The following USF2 variants were observed in gnomAD, a reference collection of about 807,000 sequenced individuals.
USF2 encodes the protein upstream stimulatory factor 2.
USF2 carries 16 observed loss-of-function variants against 46.9 expected under a neutral mutation model. The ratio of observed to expected loss-of-function variants is 0.34; its 90% confidence interval spans 0.23 to 0.52. USF2 has a LOEUF of 0.52. Ranked by LOEUF, USF2 falls within the 20% of genes least tolerant of loss-of-function variation. The pLI is 0.96. For synonymous variants in USF2, 239 were observed against 194.1 expected, an observed-to-expected ratio of 1.23 and a Z score of -1.92; for missense variants, 411 against 474.0, an observed-to-expected ratio of 0.87 and a Z score of 1.23.
chr19:35,276,114 C>G (rs1030304699), intron 7 of USF2, among the ~76,000 whole-genome samples: 14 of 148,742 alleles, frequency 9.4e-5, no homozygotes, highest in African/African-American at 3.5e-4. Flanking sequence ...CTCTGTCACC[C>G]AAGCTGGTGT....
At chr19:35,272,713 C>A (rs2066174460) in intron 7 of USF2, among the ~76,000 whole-genome samples, 1 of 151,692 alleles carries the variant, frequency 6.6e-6, no homozygotes. Flanking sequence ...GGTAGGAGAC[C>A]ATACGACTGT....
In USF2 at chr19:35,270,713, T is replaced by C; in HGVS notation, c.581-5T>C. ...CTTGCCACTAACCCCCCACTCTCCC[T>C]GCAGGCCAGTTCTACGTCATGATGA... On this transcript the variant is annotated splice_polypyrimidine_tract_variant and splice_region_variant and intron_variant, in intron 5 of 9. Transcript: ENST00000222305. 1 of 1,614,060 alleles carries C rather than the reference T, an allele frequency of 6.2e-7. No individual in the cohort carries two copies. Among genetic ancestry groups the C allele is most frequent in the Non-Finnish European group, 8.5e-7 (1 of 1,180,008 alleles).
At chr19:35,271,382 G>A (rs999765988) in intron 7 of USF2, among the ~76,000 whole-genome samples, 1 of 152,218 alleles carries the variant, frequency 6.6e-6, no homozygotes, top group Admixed American at 6.5e-5. Flanking sequence ...TGGTGATCTT[G>A]AATTCATGGC....
At chr19:35,273,918 C>T (rs1239789990) in intron 7 of USF2, among the ~76,000 whole-genome samples, 1 of 152,234 alleles carries the variant, frequency 6.6e-6, no homozygotes, top group African/African-American at 2.4e-5. Context: ...GGCTCGGAAG[C>T]TCTTGGTCAG....
intron 7 of USF2, chr19:35,277,136 TG>T (rs2066245224): frequency 6.6e-6 from 1 of 152,372 alleles, no homozygotes; most frequent in Non-Finnish European, 1.5e-5. Context: ...GCTCCGCTGC[TG>T]CTTTTGGCCA....
intron 7 of USF2, chr19:35,275,378 G>T (rs532897213): frequency 4.6e-5 from 7 of 150,694 alleles, no homozygotes; most frequent in Non-Finnish European, 1.0e-4. Flanking sequence ...AATTTGCTAG[G>T]TTTCATGCTT....
chr19:35,272,231 C>T lies in USF2; in HGVS notation c.727+1090C>T, dbSNP rs537315074. Among the ~76,000 whole-genome samples the T allele has an allele frequency of 6.6e-5, 10 of 152,272 alleles. No homozygotes were observed. The East Asian group carries it at 1.4e-3, about 21-fold the overall frequency. ...ATAGGACAGACAAGGTCTCAGCTCT[C>T]TGTGCGCGTTCTGGTGGGAGAGATG... On this transcript the variant is annotated intron_variant, in intron 7 of 9. Transcript: ENST00000222305.
At chr19:35,276,202 G>T (rs924205562) in intron 7 of USF2, among the ~76,000 whole-genome samples, 1 of 150,254 alleles carries the variant, frequency 6.7e-6, no homozygotes, top group Non-Finnish European at 1.5e-5. Context: ...CTCCCAAGTC[G>T]CTGGGATTAT....
At chr19:35,279,119 T>C in intron 9 of USF2, 45 bp downstream of exon 9, 1 of 1,612,756 alleles carries the variant, frequency 6.2e-7, no homozygotes, top group Middle Eastern at 1.7e-4. Context: ...GAGCCCCAGA[T>C]GCAAGGCGCT....
chr19:35,279,268 A>G lies in USF2; in HGVS notation c.*12A>G. 6.6e-6 allele frequency: 10 copies of G among 1,506,346 alleles called. No individual in the cohort carries two copies. Among genetic ancestry groups the G allele is most frequent in the Non-Finnish European group, 8.9e-6 (10 of 1,126,280 alleles). 93.3% of individuals were successfully genotyped at this position (1,506,346 alleles called of 1,614,324 possible). A position where few individuals can be genotyped will look rare whatever the true frequency, so the allele number is the denominator to read the frequency against. On this transcript the variant is annotated 3_prime_UTR_variant, in exon 10 of 10. Transcript: ENST00000222305. ...GCACCCGGCAGTGACGCCCGCCACC[A>G]CCACGCAGCCGCCGCCGCCCACGCC...
chr19:35,269,882 C>G lies in USF2; in HGVS notation c.308C>G (p.Ser103Cys). 7.1e-7 allele frequency: 1 copy of G among 1,411,750 alleles called. No homozygotes were observed. Among genetic ancestry groups the G allele is most frequent in the Non-Finnish European group, 9.2e-7 (1 of 1,091,420 alleles). The allele number at this position is 1,411,750 out of a possible 1,614,324, so 87.5% of individuals were successfully genotyped here. The change falls in exon 4 of 10, where the codon TCC (serine) becomes TGC (cysteine). Residue 103 changes from serine to cysteine, a missense_variant. Physicochemically the swap from Ser to Cys is moderately radical, Grantham distance 112 (BLOSUM62 -1). This residue lies in a region of USF2 where 318 missense variants were observed against 322.4 expected (regional missense o/e 0.99). Coordinates refer to ENST00000222305, the MANE Select transcript of USF2 (RefSeq NM_003367.4). ...GDTAGAVSVV[S>C]TAAFAGGQQA... is the part of the protein sequence containing the mutation. ...ACAGCTGGCGCCGTCAGCGTCGTGTCCACCGCTGCCTTCGCGGGGGGGCAG... is the reference window on the plus strand; with the variant it reads ...ACAGCTGGCGCCGTCAGCGTCGTGTGCACCGCTGCCTTCGCGGGGGGGCAG...
chr19:35,279,425 C>A lies in USF2; in HGVS notation c.*169C>A. ...AATGCATTTCTGTGGATACAGTGCC[C>A]ACCGCCCTCCTCCACTTGGAAACGG... On this transcript the variant is annotated 3_prime_UTR_variant, in exon 10 of 10. Coordinates refer to ENST00000222305, the MANE Select transcript of USF2 (RefSeq NM_003367.4). The A allele has an allele frequency of 1.4e-6, 1 of 704,034 alleles. No homozygotes were observed. Among genetic ancestry groups the A allele is most frequent in the South Asian group, 2.4e-5 (1 of 42,246 alleles). 43.6% of individuals were successfully genotyped at this position (704,034 alleles called of 1,614,324 possible). A position where few individuals can be genotyped will look rare whatever the true frequency, so the allele number is the denominator to read the frequency against.
chr19:35,278,805 G>T lies in USF2; in HGVS notation c.822+13G>T. 4 of 1,613,796 alleles carry T rather than the reference G, an allele frequency of 2.5e-6. No individual in the cohort carries two copies. The South Asian group carries it at 4.4e-5, about 18-fold the overall frequency. Reference sequence around the variant, plus strand: ...CAAGACGGGAGCGGTGAGCACCCCGGACCCTCAGTGTCTGCGGTGGTCCCG... The same window carrying T: ...CAAGACGGGAGCGGTGAGCACCCCGTACCCTCAGTGTCTGCGGTGGTCCCG... On this transcript the variant is annotated intron_variant, in intron 8 of 9. Transcript: ENST00000222305.
intron 7 of USF2, among the ~76,000 whole-genome samples, chr19:35,272,793 G>A (rs62112776): frequency 0.024 from 3,704 of 152,016 alleles, 58 homozygotes; most frequent in Non-Finnish European, 0.036. Flanking sequence ...TAAGGGTTTC[G>A]TGCTGAACTC....
In USF2 at chr19:35,279,271, A is replaced by G. The variant is rs12742; in HGVS notation, c.*15A>G. The G allele has an allele frequency of 0.36, 545,656 of 1,497,494 alleles. 100,367 individuals carry two copies. Among genetic ancestry groups the G allele is most frequent in the African/African-American group, 0.47 (33,867 of 71,652 alleles). 92.8% of individuals were successfully genotyped at this position (1,497,494 alleles called of 1,614,324 possible). A position where few individuals can be genotyped will look rare whatever the true frequency, so the allele number is the denominator to read the frequency against. ...CCCGGCAGTGACGCCCGCCACCACC[A>G]CGCAGCCGCCGCCGCCCACGCCGGC... On this transcript the variant is annotated 3_prime_UTR_variant, in exon 10 of 10. Transcript: ENST00000222305.
chr19:35,279,160 C>G lies in USF2; in HGVS notation c.952-7C>G. Reference sequence around the variant, plus strand: ...TCAGCTCCCTTGACCTCCGTCGTGTCCGCCAGATCGAGGAGCTGAAGAATG... The same window carrying G: ...TCAGCTCCCTTGACCTCCGTCGTGTGCGCCAGATCGAGGAGCTGAAGAATG... On this transcript the variant is annotated splice_region_variant and splice_polypyrimidine_tract_variant and intron_variant, in intron 9 of 9. Coordinates refer to ENST00000222305, the MANE Select transcript of USF2 (RefSeq NM_003367.4). 6.2e-7 allele frequency: 1 copy of G among 1,610,434 alleles called. No homozygotes were observed. Among genetic ancestry groups the G allele is most frequent in the Non-Finnish European group, 8.5e-7 (1 of 1,178,560 alleles).
Position 35,271,161 on chromosome 19 carries a change from C to A in USF2, c.727+20C>A, listed in dbSNP as rs1195377199. 10 of 1,613,756 alleles carry A rather than the reference C, an allele frequency of 6.2e-6. 1 individual carries two copies. In the South Asian group the frequency reaches 1.1e-4, roughly 18 times the overall value. ...ACGAAGGTGAGGACAAGGTGTGGCT[C>A]CGGGTCCCCCTGACCACCACCCTCA... On this transcript the variant is annotated intron_variant, in intron 7 of 9. Coordinates refer to ENST00000222305, the MANE Select transcript of USF2 (RefSeq NM_003367.4).
Position 35,269,861 on chromosome 19 carries a change from C to A in USF2, c.287C>A (p.Ala96Asp), listed in dbSNP as rs1331054477. The A allele has an allele frequency of 7.0e-7, 1 of 1,426,062 alleles. No homozygotes were observed. The highest frequency in any genetic ancestry group is 9.1e-7 in the Non-Finnish European group (1 of 1,098,568). 88.3% of individuals were successfully genotyped at this position (1,426,062 alleles called of 1,614,324 possible). ...DGQLDGQGDT[A>D]GAVSVVSTAA... ...CAGCTGGACGGCCAGGGCGACACAGCTGGCGCCGTCAGCGTCGTGTCCACC... is the reference window on the plus strand; with the variant it reads ...CAGCTGGACGGCCAGGGCGACACAGATGGCGCCGTCAGCGTCGTGTCCACC... Residue 96 changes from alanine to aspartate, a missense_variant, in exon 4 of 10, where the codon GCT becomes GAT. Transcript: ENST00000222305.
rs767127112 is a variant in USF2, at chr19:35,269,587, A to G, written c.116A>G (p.Asp39Gly). 3 of 1,587,338 alleles carry G rather than the reference A, an allele frequency of 1.9e-6. No homozygotes were observed. Among genetic ancestry groups the G allele is most frequent in the Non-Finnish European group, 2.6e-6 (3 of 1,168,806 alleles). Residue 39 changes from aspartate (D) to glycine (G), a missense_variant, in exon 3 of 10, where the codon GAC (aspartate) becomes GGC (glycine). Physicochemically the swap from Asp to Gly is moderately conservative, Grantham distance 94 (BLOSUM62 -1). Around this residue, in one of 2 missense-constraint regions of USF2, gnomAD observed 318 missense variants for 322.4 expected, o/e 0.99. Coordinates refer to ENST00000222305, the MANE Select transcript of USF2 (RefSeq NM_003367.4). The part of the protein sequence containing the change: ...EEGVELQEGG[D>G]GPGAEEQTAV... ...CGACCCTCCTCGGCCCCAGGCGGGG[A>G]CGGCCCAGGAGCGGAGGAGCAGACA...
Sources: gnomAD v4.1 joint callset for allele counts (sites outside exome capture counted in the v4.1 genomes callset) on GRCh38, gnomAD v4.1.1 for gene constraint, gnomAD v4.1.1 regional missense constraint, MANE v1.5 for transcripts, NCBI Gene and HGNC (gene_info 2026-07-23, HGNC 2026-07-21) for gene names.